The following CMSS1 variants were observed in gnomAD, a reference collection of about 807,000 sequenced individuals.
CMSS1 encodes the protein cms1 ribosomal small subunit homolog, also known as protein CMSS1.
A neutral mutation model predicts 43.5 loss-of-function variants in CMSS1; 33 were observed. The ratio of observed to expected loss-of-function variants is 0.76; its 90% CI spans 0.57 to 1.01. The LOEUF (loss-of-function observed/expected upper bound fraction) is 1.01. Among genes scored for constraint, CMSS1 ranks in the 50% least tolerant of loss-of-function variants. CMSS1 has a pLI of 0.00. For synonymous variants in CMSS1, 115 were observed against 117.2 expected, an observed-to-expected ratio of 0.98 and a Z score of 0.12; for missense variants, 313 against 326.4, an observed-to-expected ratio of 0.96 and a Z score of 0.32.
intron 1 of CMSS1, among the ~76,000 whole-genome samples, chr3:99,947,885 C>A (rs1390289476): frequency 6.6e-6 from 1 of 151,670 alleles, no homozygotes; most frequent in Non-Finnish European, 1.5e-5. Flanking sequence ...TTTATTTGCA[C>A]ATTTTTTCCT....
intron 1 of CMSS1, among the ~76,000 whole-genome samples, chr3:100,058,400 A>G (rs1029595081): frequency 4.6e-5 from 7 of 152,224 alleles, no homozygotes; most frequent in Non-Finnish European, 8.8e-5. Flanking sequence ...AAATGAGATC[A>G]CCTCTGAAGG....
At chr3:99,881,736 T>C (rs929585776) in intron 1 of CMSS1, among the ~76,000 whole-genome samples, 3 of 152,214 alleles carry the variant, frequency 2.0e-5, no homozygotes, top group African/African-American at 4.8e-5. Context: ...TTTCACCATG[T>C]TGGCCAGGCT....
At chr3:99,833,385 G>T in intron 1 of CMSS1, 1 of 754,888 alleles carries the variant, frequency 1.3e-6, no homozygotes, top group Non-Finnish European at 2.2e-6. Context: ...CCTGGTTACA[G>T]TGAGTTATTA....
intron 1 of CMSS1, among the ~76,000 whole-genome samples, chr3:100,001,917 C>T (rs1709853160): frequency 6.6e-6 from 1 of 152,132 alleles, no homozygotes; most frequent in Non-Finnish European, 1.5e-5. Context: ...AACACGGTGT[C>T]GCCTATGAGG....
rs184597403 is a variant in CMSS1, at chr3:100,018,782, T to C, written c.65-128191T>C. ...CAGAGTGAAAAGGCAGCCTATGAAA[T>C]GGAAGAGTGTATTTGCAAACCATGT... On this transcript the variant is annotated intron_variant, in intron 1 of 9. Transcript: ENST00000421999. Among the ~76,000 whole-genome samples, 562 of 145,768 alleles carry C rather than the reference T, an allele frequency of 3.9e-3. 3 individuals are homozygous for C. Among genetic ancestry groups the C allele is most frequent in the African/African-American group, 0.013 (535 of 39,806 alleles).
chr3:99,862,911 T>C (rs1053570984), intron 1 of CMSS1, among the ~76,000 whole-genome samples: 2 of 152,220 alleles, frequency 1.3e-5, no homozygotes, highest in African/African-American at 4.8e-5. Flanking sequence ...AATGCCAGCA[T>C]ATCAAAATGG....
intron 1 of CMSS1, among the ~76,000 whole-genome samples, chr3:100,079,207 G>A (rs1171778850): frequency 3.3e-5 from 5 of 152,138 alleles, no homozygotes; most frequent in Non-Finnish European, 5.9e-5. Context: ...GGTGAGAGTC[G>A]CCAGGCCATT....
chr3:100,178,463 G>GTAT lies in CMSS1; in HGVS notation c.*75_*76insTAT. On this transcript the variant is annotated 3_prime_UTR_variant, in exon 10 of 10. Coordinates refer to ENST00000421999, the MANE Select transcript of CMSS1 (RefSeq NM_032359.4). ...ATTTAATGACTCTGATACATTGCAA[G>GTAT]CACTCAGTAAATATCAGCAAATAGT... is the stretch of plus-strand genomic sequence containing the variant. 1.2e-6 allele frequency: 1 copy of GTAT among 868,490 alleles called. No individual in the cohort carries two copies. The highest frequency in any genetic ancestry group is 1.5e-5 in the South Asian group (1 of 67,420). 53.8% of individuals were successfully genotyped at this position (868,490 alleles called of 1,614,324 possible). A position where few individuals can be genotyped will look rare whatever the true frequency, so the allele number is the denominator to read the frequency against.
chr3:99,923,123 C>T (rs193105343), intron 1 of CMSS1, among the ~76,000 whole-genome samples: 4 of 152,154 alleles, frequency 2.6e-5, no homozygotes, highest in Admixed American at 2.6e-4. Context: ...TTTTCAACCC[C>T]CTTTTTCTTC....
At chr3:99,839,003 C>G (rs1441183489) in intron 1 of CMSS1, among the ~76,000 whole-genome samples, 1 of 152,132 alleles carries the variant, frequency 6.6e-6, no homozygotes, top group Non-Finnish European at 1.5e-5. Context: ...TTGCACTGCT[C>G]ACTGTTCCTT....
intron 1 of CMSS1, chr3:99,851,161 T>A: frequency 9.6e-7 from 1 of 1,041,568 alleles, no homozygotes; most frequent in Non-Finnish European, 1.4e-6. Context: ...AGAAATTATG[T>A]AATTATATGA....
rs191694299 is a variant in CMSS1, at chr3:100,084,577, G to A, written c.65-62396G>A. ...GGGAAGTAAGAACCTTATGATAGCC[G>A]TGTCTCTTAAACAGAGCTTTATAAA... On this transcript the variant is annotated intron_variant, in intron 1 of 9. Transcript: ENST00000421999. Among the ~76,000 whole-genome samples, 188 of 152,290 alleles carry A rather than the reference G, an allele frequency of 1.2e-3. 1 individual carries two copies. Among genetic ancestry groups the A allele is most frequent in the African/African-American group, 4.3e-3 (180 of 41,570 alleles).
chr3:100,097,997 G>A (rs1046984755), intron 1 of CMSS1, among the ~76,000 whole-genome samples: 18 of 152,152 alleles, frequency 1.2e-4, no homozygotes, highest in African/African-American at 4.3e-4. Context: ...TTAATGTTTA[G>A]CTAGGCATAG....
intron 1 of CMSS1, among the ~76,000 whole-genome samples, chr3:99,985,004 ATACTT>A (rs1320294944): frequency 2.6e-5 from 4 of 152,218 alleles, no homozygotes; most frequent in Admixed American, 2.6e-4. Flanking sequence ...TTAAAAATAA[ATACTT>A]AAAGGGGTTG....
chr3:100,073,586 A>G (rs902872888), intron 1 of CMSS1, among the ~76,000 whole-genome samples: 1 of 152,194 alleles, frequency 6.6e-6, no homozygotes, highest in Non-Finnish European at 1.5e-5. Flanking sequence ...AGGGAATTCT[A>G]TGAGTAAATA....
chr3:99,957,398 A>G (rs1158327279), intron 1 of CMSS1, among the ~76,000 whole-genome samples: 2 of 152,222 alleles, frequency 1.3e-5, no homozygotes, highest in Non-Finnish European at 2.9e-5. Flanking sequence ...TTTCACAAAT[A>G]GTTGTGATAT....
intron 1 of CMSS1, among the ~76,000 whole-genome samples, chr3:99,854,662 C>T (rs1381240594): frequency 7.9e-6 from 1 of 127,026 alleles, no homozygotes; most frequent in Admixed American, 7.9e-5. Context: ...AAAAATGTTT[C>T]CAGACATTGC....
intron 1 of CMSS1, among the ~76,000 whole-genome samples, chr3:100,121,829 C>A (rs969730190): frequency 6.6e-6 from 1 of 152,130 alleles, no homozygotes; most frequent in African/African-American, 2.4e-5. Context: ...GATGCTGGGA[C>A]CTCAGAGGCT....
chr3:100,103,527 G>GT (rs776373148), intron 1 of CMSS1, among the ~76,000 whole-genome samples: 2 of 152,166 alleles, frequency 1.3e-5, no homozygotes, highest in African/African-American at 2.4e-5. Flanking sequence ...CTTGAATCAG[G>GT]TTTTTTCTAG....
Sources: allele counts gnomAD v4.1 joint callset (sites outside exome capture counted in the v4.1 genomes callset), GRCh38; gene constraint gnomAD v4.1.1; transcripts MANE v1.5; gene names NCBI Gene and HGNC (gene_info 2026-07-23, HGNC 2026-07-21).